SSH1: variants seen among roughly 807,000 people sequenced by gnomAD.
SSH1 encodes protein phosphatase Slingshot homolog 1.
Under a neutral mutation model 79.7 loss-of-function variants are expected in SSH1, and 43 were observed. That is an observed-to-expected ratio of 0.54 (90% confidence interval 0.42 to 0.70). The LOEUF is 0.70. SSH1 is among the 30% of genes least tolerant of loss of function. SSH1 has a pLI of 0.00. For missense variants in SSH1, 1,206 were observed against 1,358.8 expected (o/e 0.89, Z 1.77); for synonymous variants, 599 against 538.3 (o/e 1.11, Z -1.56).
chr12:108,793,710 T>C (rs1286446108), intron 13 of SSH1, among the ~76,000 whole-genome samples: 2 of 152,154 alleles, frequency 1.3e-5, no homozygotes, highest in African/African-American at 4.8e-5. Flanking sequence ...AATACATTTT[T>C]AAAATGTAAG....
chr12:108,827,248 G>A (rs1054217547), intron 2 of SSH1: 6 of 1,540,726 alleles, frequency 3.9e-6, no homozygotes, highest in Non-Finnish European at 5.3e-6. Flanking sequence ...CAGTAATCAG[G>A]GTGGTCATAC....
At position 108,792,435 on chromosome 12, in the gene SSH1, C is replaced by A. The variant is rs900846370; in HGVS notation, c.1744G>T (p.Gly582Cys). 1 of 1,614,076 alleles carries A rather than the reference C, an allele frequency of 6.2e-7. No individual in the cohort carries two copies. Among genetic ancestry groups the A allele is most frequent in the South Asian group, 1.1e-5 (1 of 91,088 alleles). The change falls in exon 14 of 15, where the codon GGC becomes TGC. Residue 582 changes from glycine to cysteine, a missense_variant. By Grantham distance (159) the Gly-to-Cys change is radical (BLOSUM62 -3). Transcript: ENST00000326495. ...LEFGSPKGRSGSLLQVEETER... is the reference protein window; with the variant it reads ...LEFGSPKGRSCSLLQVEETER... ...GTCTCCTCCACCTGCAGCAAGGAGC[C>A]GCTCCGACCTTTGGGACTCCCAAAC...
chr12:108,809,679 A>G lies in SSH1; in HGVS notation c.536+14T>C. The G allele has an allele frequency of 6.2e-7, 1 of 1,612,218 alleles. No individual in the cohort carries two copies. Among genetic ancestry groups the G allele is most frequent in the Non-Finnish European group, 8.5e-7 (1 of 1,178,292 alleles). On this transcript the variant is annotated intron_variant, in intron 7 of 14. Transcript: ENST00000326495. ...TATTTCTAGGGAGTTAAAAGTCCCT[A>G]AAACCACACTTACCACATGGCCTGG...
intron 2 of SSH1, among the ~76,000 whole-genome samples, chr12:108,843,689 C>T (rs893772651): frequency 1.3e-5 from 2 of 152,080 alleles, no homozygotes; most frequent in Non-Finnish European, 2.9e-5. Flanking sequence ...CACGCGCCAC[C>T]ATACTCGGCT....
At chr12:108,791,112 GTTTTGT>G (rs1437324180) in intron 14 of SSH1, among the ~76,000 whole-genome samples, 1 of 152,158 alleles carries the variant, frequency 6.6e-6, no homozygotes, top group Non-Finnish European at 1.5e-5. Flanking sequence ...ATTACTATCA[GTTTTGT>G]TTTTGTTTTT....
At chr12:108,810,991 C>T (rs548438960) in intron 6 of SSH1, among the ~76,000 whole-genome samples, 2 of 152,348 alleles carry the variant, frequency 1.3e-5, no homozygotes, top group South Asian at 2.1e-4. Flanking sequence ...GGATGGGTAT[C>T]GGTTTACCGC....
chr12:108,800,753 C>A, intron 12 of SSH1, 27 bp downstream of exon 12: 5 of 1,609,236 alleles, frequency 3.1e-6, no homozygotes, highest in Non-Finnish European at 4.2e-6. Context: ...TGGTTTCATC[C>A]TCAGCCCCGC....
chr12:108,817,011 A>T (rs1166543513), intron 5 of SSH1, 27 bp downstream of exon 5: 1 of 1,613,194 alleles, frequency 6.2e-7, no homozygotes, highest in East Asian at 2.2e-5. Context: ...CCCTCACAGA[A>T]GGGAACACCT....
In SSH1 at chr12:108,788,789, CAT is replaced by C. The variant is rs778973883; in HGVS notation, c.2347_2348del (p.Met783GlufsTer12). On this transcript the variant is annotated frameshift_variant, in exon 15 of 15. Coordinates refer to ENST00000326495, the MANE Select transcript of SSH1 (RefSeq NM_018984.4). LOFTEE classifies it low-confidence loss of function (END_TRUNC). ...IKEESSPKKD[M>X]KPAKDLRLLF... ...GAAGCCTCAGGTCCTTGGCTGGCTTCATATCTTTCTTGGGTGACGATTCTTCC... is the reference window on the plus strand; with the variant it reads ...GAAGCCTCAGGTCCTTGGCTGGCTTCATCTTTCTTGGGTGACGATTCTTCC... 1 of 1,614,246 alleles carries C rather than the reference CAT, an allele frequency of 6.2e-7. No homozygotes were observed. Among genetic ancestry groups the C allele is most frequent in the Non-Finnish European group, 8.5e-7 (1 of 1,180,042 alleles).
chr12:108,792,194 C>T, intron 14 of SSH1, 92 bp downstream of exon 14: 4 of 1,588,712 alleles, frequency 2.5e-6, no homozygotes, highest in Non-Finnish European at 2.6e-6. Context: ...GTGGCGGGTG[C>T]CTGTAGTCCC....
chr12:108,817,128 C>A lies in SSH1; in HGVS notation c.311G>T (p.Arg104Leu). The A allele has an allele frequency of 1.2e-6, 2 of 1,614,140 alleles. No homozygotes were observed. The highest frequency in any genetic ancestry group is 1.3e-5 in the African/African-American group (1 of 75,068). Reference protein sequence around the residue: ...AVRLESAWADRVRYMVVVYSS... With the variant: ...AVRLESAWADLVRYMVVVYSS... ...GTACACCACCACCATGTACCGGACC[C>A]GGTCCGCCCAGGCGCTCTCCAGGCG... The change falls in exon 5 of 15, where the codon CGG (arginine) becomes CTG (leucine). Residue 104 changes from arginine (R) to leucine (L), a missense_variant. By Grantham distance (102) the Arg-to-Leu change is moderately radical (BLOSUM62 -2). Transcript: ENST00000326495.
intron 12 of SSH1, among the ~76,000 whole-genome samples, chr12:108,800,555 G>C (rs2036946451): frequency 6.6e-6 from 1 of 150,764 alleles, no homozygotes; most frequent in Admixed American, 6.6e-5. Context: ...ACTCTACCTG[G>C]AGAGGACCAA....
intron 2 of SSH1, chr12:108,827,309 GA>G (rs2038348725): frequency 1.3e-6 from 2 of 1,551,250 alleles, no homozygotes; most frequent in East Asian, 4.9e-5. Context: ...TGGGTTGGCT[GA>G]AGGAAGATGC....
chr12:108,794,548 T>C (rs1053417634), intron 13 of SSH1, among the ~76,000 whole-genome samples: 26 of 152,144 alleles, frequency 1.7e-4, no homozygotes, highest in African/African-American at 2.4e-5. Context: ...TAAGCTACAT[T>C]TATTATTTAC....
chr12:108,804,439 C>T (rs1017599239), intron 10 of SSH1, among the ~76,000 whole-genome samples: 2 of 152,228 alleles, frequency 1.3e-5, no homozygotes, highest in African/African-American at 4.8e-5. Context: ...CAGTTGCCTT[C>T]TATGGATATT....
chr12:108,791,416 T>A (rs914294373), intron 14 of SSH1, among the ~76,000 whole-genome samples: 34 of 152,174 alleles, frequency 2.2e-4, no homozygotes, highest in Non-Finnish European at 4.0e-4. Flanking sequence ...CCCTATCAGT[T>A]TTTTTAAAAG....
rs770033302 is a variant in SSH1, at chr12:108,806,296, C to G, written c.825+5G>C. 11 of 1,613,856 alleles carry G rather than the reference C, an allele frequency of 6.8e-6. No homozygotes were observed. Among genetic ancestry groups the G allele is most frequent in the Non-Finnish European group, 9.3e-6 (11 of 1,179,884 alleles). ...GACCTGCAATGAAGGGAGGAGTTGT[C>G]TTACCTCTTTGGAAGTCACATTTTC... On this transcript the variant is annotated splice_donor_5th_base_variant and intron_variant, in intron 9 of 14. Coordinates refer to ENST00000326495, the MANE Select transcript of SSH1 (RefSeq NM_018984.4).
intron 10 of SSH1, 81 bp from the exon 11 acceptor site, chr12:108,802,449 G>T: frequency 1.5e-6 from 2 of 1,343,382 alleles, no homozygotes; most frequent in Non-Finnish European, 2.1e-6. Flanking sequence ...GTTTGCCCTA[G>T]CTCTGGCGGT....
chr12:108,839,720 C>G (rs2038729525), intron 2 of SSH1, among the ~76,000 whole-genome samples: 1 of 152,132 alleles, frequency 6.6e-6, no homozygotes, highest in South Asian at 2.1e-4. Flanking sequence ...TAAAGGCACT[C>G]AAGAATGATA....
Sources: gnomAD v4.1 joint callset for allele counts (sites outside exome capture counted in the v4.1 genomes callset) on GRCh38, gnomAD v4.1.1 for gene constraint, MANE v1.5 for transcripts, NCBI Gene and HGNC (gene_info 2026-07-23, HGNC 2026-07-21) for gene names.